The following RAB8B variants were observed in gnomAD, a reference collection of about 807,000 sequenced individuals.
RAB8B encodes the protein RAB8B, member RAS oncogene family.
In RAB8B, 11 loss-of-function variants were observed where a neutral mutation model predicts 32.0. That is an observed-to-expected ratio of 0.34 (90% CI 0.22 to 0.57). The LOEUF is 0.57. RAB8B is among the 20% of genes least tolerant of loss of function. RAB8B has a pLI of 0.86. For synonymous variants in RAB8B, 103 were observed against 89.6 expected (o/e 1.15, Z -0.85); for missense variants, 190 against 258.5 (o/e 0.73, Z 1.82).
chr15:63,217,399 A>G (rs183307933), intron 1 of RAB8B, among the ~76,000 whole-genome samples: 1 of 152,308 alleles, frequency 6.6e-6, no homozygotes, highest in East Asian at 1.9e-4. Flanking sequence ...AGCAATTTAG[A>G]CATTTAAGGA....
chr15:63,201,979 G>A (rs756634624), intron 1 of RAB8B, among the ~76,000 whole-genome samples: 35 of 151,644 alleles, frequency 2.3e-4, no homozygotes, highest in Non-Finnish European at 4.4e-4. Context: ...TTGGCCGGGC[G>A]CGGTGGCTCA....
chr15:63,251,632 G>A (rs1160170158), intron 3 of RAB8B, among the ~76,000 whole-genome samples: 1 of 152,180 alleles, frequency 6.6e-6, no homozygotes, highest in Non-Finnish European at 1.5e-5. Context: ...AGAAATTGTT[G>A]CTATTCTAAA....
intron 1 of RAB8B, among the ~76,000 whole-genome samples, chr15:63,235,190 C>T (rs1353036496): frequency 6.6e-6 from 1 of 152,070 alleles, no homozygotes; most frequent in Non-Finnish European, 1.5e-5. Context: ...GCAGGCACTA[C>T]CATACCATCC....
At chr15:63,226,350 C>T (rs558201072) in intron 1 of RAB8B, among the ~76,000 whole-genome samples, 41 of 152,278 alleles carry the variant, frequency 2.7e-4, no homozygotes, top group Non-Finnish European at 4.9e-4. Flanking sequence ...TATACTCACA[C>T]GTAGGATAAG....
intron 1 of RAB8B, among the ~76,000 whole-genome samples, chr15:63,241,125 A>G (rs369585395): frequency 3.9e-5 from 6 of 152,282 alleles, no homozygotes; most frequent in East Asian, 1.9e-4. Flanking sequence ...GGTGGATCAC[A>G]TGAGGCCAGG....
At chr15:63,199,200 A>G (rs2037627787) in intron 1 of RAB8B, among the ~76,000 whole-genome samples, 1 of 152,212 alleles carries the variant, frequency 6.6e-6, no homozygotes, top group Admixed American at 6.5e-5. Flanking sequence ...AAATGAAAAC[A>G]TTTCCCTTCC....
At chr15:63,257,990 G>A (rs1398235561) in intron 5 of RAB8B, among the ~76,000 whole-genome samples, 3 of 151,224 alleles carry the variant, frequency 2.0e-5, no homozygotes, top group South Asian at 2.1e-4. Flanking sequence ...TTGAACCCAG[G>A]AGGCGGAGGT....
intron 1 of RAB8B, among the ~76,000 whole-genome samples, chr15:63,229,591 G>A (rs116429434): frequency 9.7e-4 from 147 of 152,122 alleles, no homozygotes; most frequent in African/African-American, 3.4e-3. Flanking sequence ...AGCCATTCTG[G>A]CCAACATGGT....
chr15:63,200,379 G>T (rs962025335), intron 1 of RAB8B, among the ~76,000 whole-genome samples: 3 of 152,106 alleles, frequency 2.0e-5, no homozygotes, highest in Admixed American at 6.5e-5. Context: ...AAAATGTTTT[G>T]GTTTGAGTAA....
At position 63,231,466 on chromosome 15, in the gene RAB8B, T is replaced by A. The variant is rs374808278; in HGVS notation, c.125-13290T>A. Among the ~76,000 whole-genome samples, 7 of 150,910 alleles carry A rather than the reference T, an allele frequency of 4.6e-5. No individual in the cohort carries two copies. The South Asian group carries it at 8.4e-4, about 18-fold the overall frequency. On this transcript the variant is annotated intron_variant, in intron 1 of 7. Coordinates refer to ENST00000321437, the MANE Select transcript of RAB8B (RefSeq NM_016530.3). ...ATGGTCTTCCCATAGCAATAGCGCCTTAGTACCTAAAATCAGGGATTTGCG... is the reference window on the plus strand; with the variant it reads ...ATGGTCTTCCCATAGCAATAGCGCCATAGTACCTAAAATCAGGGATTTGCG...
rs545150930 is a variant in RAB8B at position 63,266,612 on chromosome 15, C to A, written c.*2993C>A. 1 of 152,460 alleles carries A rather than the reference C, an allele frequency of 6.6e-6. No individual in the cohort carries two copies. Among genetic ancestry groups the A allele is most frequent in the Non-Finnish European group, 1.5e-5 (1 of 67,962 alleles). 9.4% of individuals were successfully genotyped at this position (152,460 alleles called of 1,614,324 possible). On this transcript the variant is annotated 3_prime_UTR_variant, in exon 8 of 8. Transcript: ENST00000321437. ...TTAAGCATCTAACAAAATTTAGACT[C>A]TTTGTTTTGTTTTGAACTGAAGACA...
intron 3 of RAB8B, among the ~76,000 whole-genome samples, chr15:63,252,858 C>T (rs923297620): frequency 6.6e-6 from 1 of 151,788 alleles, no homozygotes; most frequent in Non-Finnish European, 1.5e-5. Context: ...AAGCGATTCT[C>T]CTGCCTCAGC....
intron 1 of RAB8B, among the ~76,000 whole-genome samples, chr15:63,232,745 A>G (rs1450727116): frequency 6.6e-6 from 1 of 152,160 alleles, no homozygotes; most frequent in Non-Finnish European, 1.5e-5. Context: ...GTCCCCCTTA[A>G]AAAATGCCCC....
chr15:63,258,445 G>A (rs576057138), intron 5 of RAB8B, among the ~76,000 whole-genome samples: 3 of 152,318 alleles, frequency 2.0e-5, no homozygotes, highest in Admixed American at 6.5e-5. Context: ...AACTTTGGGA[G>A]CAGATAAAAG....
At chr15:63,234,621 A>T (rs1454498601) in intron 1 of RAB8B, among the ~76,000 whole-genome samples, 1 of 152,182 alleles carries the variant, frequency 6.6e-6, no homozygotes, top group African/African-American at 2.4e-5. Context: ...ATATCTGGTA[A>T]GCAGTACTCT....
intron 1 of RAB8B, among the ~76,000 whole-genome samples, chr15:63,201,085 G>T (rs572902418): frequency 9.9e-5 from 15 of 151,552 alleles, no homozygotes; most frequent in Non-Finnish European, 2.1e-4. Flanking sequence ...GGGGGTGGGG[G>T]TACTATATTG....
intron 1 of RAB8B, among the ~76,000 whole-genome samples, chr15:63,230,693 CTTATTATTA>C (rs1170291952): frequency 6.6e-6 from 1 of 151,898 alleles, no homozygotes; most frequent in Non-Finnish European, 1.5e-5. Context: ...GATTTTACTA[CTTATTATTA>C]TTATTATTTT....
At chr15:63,208,784 T>A (rs2037721229) in intron 1 of RAB8B, among the ~76,000 whole-genome samples, 1 of 152,062 alleles carries the variant, frequency 6.6e-6, no homozygotes, top group Non-Finnish European at 1.5e-5. Context: ...CTTTCCTCAG[T>A]GGGACTTTGT....
At chr15:63,235,231 T>C (rs966701539) in intron 1 of RAB8B, among the ~76,000 whole-genome samples, 1 of 152,020 alleles carries the variant, frequency 6.6e-6, no homozygotes, top group Non-Finnish European at 1.5e-5. Context: ...CTGTAAGCCA[T>C]TGGTGACCAG....
Sources: gnomAD v4.1 joint callset for allele counts (sites outside exome capture counted in the v4.1 genomes callset) on GRCh38, gnomAD v4.1.1 for gene constraint, MANE v1.5 for transcripts, NCBI Gene and HGNC (gene_info 2026-07-23, HGNC 2026-07-21) for gene names.